MYO16: variants seen among roughly 807,000 people sequenced by gnomAD.
MYO16 encodes the protein unconventional myosin-XVI.
A neutral mutation model predicts 205.3 loss-of-function variants in MYO16; 94 were observed. The observed-to-expected ratio is 0.46, with a 90% confidence interval of 0.39 to 0.54. The LOEUF (loss-of-function observed/expected upper bound fraction) is 0.54. Among genes scored for constraint, MYO16 ranks in the 20% least tolerant of loss-of-function variants. The probability of loss-of-function intolerance (pLI) is 0.00; values close to 1 mark genes in which losing one functional copy is unlikely to be tolerated. For synonymous variants in MYO16, 988 were observed against 954.0 expected, an observed-to-expected ratio of 1.04 and a Z score of -0.66; for missense variants, 2,315 against 2,387.5, an observed-to-expected ratio of 0.97 and a Z score of 0.63.
chr13:109,134,033 A>G (rs769983170), intron 31 of MYO16, among the ~76,000 whole-genome samples: 2 of 152,238 alleles, frequency 1.3e-5, no homozygotes, highest in Non-Finnish European at 2.9e-5. Flanking sequence ...GAACAGTTCT[A>G]TCTCTCACAG....
At chr13:109,179,466 T>C (rs1394224103) in intron 33 of MYO16, 76 bp from the exon 34 acceptor site, 2 of 867,244 alleles carry the variant, frequency 2.3e-6, no homozygotes, top group Non-Finnish European at 3.9e-6. Context: ...TCTAGTTTAT[T>C]GTAATGAGTG....
chr13:109,003,611 G>T (rs918587904), intron 21 of MYO16, among the ~76,000 whole-genome samples: 1 of 152,146 alleles, frequency 6.6e-6, no homozygotes, highest in African/African-American at 2.4e-5. Context: ...GCTTCTTCCC[G>T]TCCTTGTGTT....
intron 6 of MYO16, among the ~76,000 whole-genome samples, chr13:108,794,707 C>T (rs1886730416): frequency 6.6e-6 from 1 of 152,020 alleles, no homozygotes; most frequent in South Asian, 2.1e-4. Context: ...ATAAAACTTA[C>T]CTGGGTTAGT....
At chr13:109,142,946 G>T (rs763319830) in intron 32 of MYO16, among the ~76,000 whole-genome samples, 5 of 151,812 alleles carry the variant, frequency 3.3e-5, no homozygotes, top group Admixed American at 6.6e-5. Flanking sequence ...TGTTTTTTCC[G>T]ATTCTTTGTT....
At position 108,774,567 on chromosome 13, in the gene MYO16, C is replaced by T. The variant is rs568977263; in HGVS notation, c.508-11068C>T. On this transcript the variant is annotated intron_variant, in intron 4 of 34. Transcript: ENST00000457511. Reference sequence around the variant, plus strand: ...TTATGATGTGATTGATTTTTTTTTTCGGAGCCAAACTTAGAGACGTGCCTT... The same window carrying T: ...TTATGATGTGATTGATTTTTTTTTTTGGAGCCAAACTTAGAGACGTGCCTT... Among the ~76,000 whole-genome samples, 183 of 150,472 alleles carry T rather than the reference C, an allele frequency of 1.2e-3. 1 individual carries two copies. Among genetic ancestry groups the T allele is most frequent in the African/African-American group, 4.2e-3 (174 of 41,088 alleles).
chr13:109,052,756 TG>T (rs1887286127), intron 25 of MYO16, among the ~76,000 whole-genome samples: 1 of 152,100 alleles, frequency 6.6e-6, no homozygotes, highest in Non-Finnish European at 1.5e-5. Context: ...ACTGCCTTTT[TG>T]ATGAATAGAA....
intron 27 of MYO16, among the ~76,000 whole-genome samples, chr13:109,098,769 G>C (rs1248415938): frequency 6.6e-6 from 1 of 152,120 alleles, no homozygotes; most frequent in African/African-American, 2.4e-5. Context: ...GCTGCTTCTT[G>C]GTCCAACCAC....
At chr13:108,640,133 A>G (rs1057425730) in intron 1 of MYO16, among the ~76,000 whole-genome samples, 2 of 152,204 alleles carry the variant, frequency 1.3e-5, no homozygotes, top group African/African-American at 4.8e-5. Context: ...AATAGGTGAC[A>G]AGGAAACAGA....
intron 2 of MYO16, among the ~76,000 whole-genome samples, chr13:108,695,880 A>G (rs1322603249): frequency 6.6e-6 from 1 of 152,214 alleles, no homozygotes; most frequent in Non-Finnish European, 1.5e-5. Context: ...TTAACAGTTG[A>G]AAACTAATGT....
At chr13:108,602,126 C>T (rs916807684) in intron 1 of MYO16, among the ~76,000 whole-genome samples, 2 of 148,374 alleles carry the variant, frequency 1.3e-5, no homozygotes, top group African/African-American at 5.0e-5. Flanking sequence ...AAAAAAACAG[C>T]CCAGGAAGAA....
chr13:109,196,824 G>C (rs1171892592), intron 34 of MYO16, among the ~76,000 whole-genome samples: 1 of 152,096 alleles, frequency 6.6e-6, no homozygotes, highest in Non-Finnish European at 1.5e-5. Flanking sequence ...AAACTTTGAA[G>C]CTTTCAGCTC....
intron 23 of MYO16, among the ~76,000 whole-genome samples, chr13:109,022,419 T>A (rs1439328999): frequency 7.7e-6 from 1 of 129,246 alleles, no homozygotes; most frequent in Non-Finnish European, 1.5e-5. Flanking sequence ...ATATTGTATA[T>A]ACAAATATAA....
the MYO16 span, among the ~76,000 whole-genome samples, chr13:108,578,405 A>C: frequency 1.3e-5 from 2 of 152,246 alleles, no homozygotes; most frequent in South Asian, 4.1e-4. Context: ...AATGGGAGCA[A>C]TTATGCAAAA....
Position 108,800,160 on chromosome 13 carries a change from AC to A in MYO16, c.742-6514del, listed in dbSNP as rs373086228. On this transcript the variant is annotated intron_variant, in intron 6 of 34. Transcript: ENST00000457511. ...CTAAGCTGTGCTTGCTCCATGAGGCACCCCCTAAAATAGAACCAGAAATGAC... is the reference window on the plus strand; with the variant it reads ...CTAAGCTGTGCTTGCTCCATGAGGCACCCCTAAAATAGAACCAGAAATGAC... Among the ~76,000 whole-genome samples, 94 of 152,222 alleles carry A rather than the reference AC, an allele frequency of 6.2e-4. No homozygotes were observed. The South Asian group carries it at 0.019, about 30-fold the overall frequency.
chr13:109,090,598 G>A (rs1888589496), intron 27 of MYO16, among the ~76,000 whole-genome samples: 2 of 152,176 alleles, frequency 1.3e-5, no homozygotes, highest in Admixed American at 1.3e-4. Flanking sequence ...GTGTGGGCGT[G>A]CGGAGGCTGC....
intron 22 of MYO16, among the ~76,000 whole-genome samples, chr13:109,009,874 C>G (rs1044181046): frequency 6.6e-6 from 1 of 152,168 alleles, no homozygotes; most frequent in Admixed American, 6.5e-5. Flanking sequence ...AGAAAGCCCT[C>G]GTAGTGACAT....
rs1252518531 is a variant in MYO16, at chr13:108,629,729, C to T, written c.-116C>T. On this transcript the variant is annotated 5_prime_UTR_variant, in exon 1 of 35. Transcript: ENST00000457511. ...ACAGAGCCTCCATGCAATAGTGCAT[C>T]CTGAGGTAAACTGTTACCTGAGTAA... 2 of 921,602 alleles carry T rather than the reference C, an allele frequency of 2.2e-6. No homozygotes were observed. The highest frequency in any genetic ancestry group is 5.4e-5 in the East Asian group (2 of 37,106). The allele number at this position is 921,602 out of a possible 1,614,324, so 57.1% of individuals were successfully genotyped here.
chr13:109,036,790 A>G (rs1337770438), intron 23 of MYO16, among the ~76,000 whole-genome samples: 1 of 152,212 alleles, frequency 6.6e-6, no homozygotes, highest in Non-Finnish European at 1.5e-5. Flanking sequence ...AGAAGGAAAA[A>G]TAAATACATA....
At chr13:108,629,311 A>G (rs1180942234), upstream of MYO16, 1 of 152,382 alleles carries the variant, frequency 6.6e-6, no homozygotes, top group Admixed American at 6.5e-5. Flanking sequence ...GGTGGCAACT[A>G]AAAATAATCC....
Sources: allele counts gnomAD v4.1 joint callset (sites outside exome capture counted in the v4.1 genomes callset), GRCh38; gene constraint gnomAD v4.1.1; transcripts MANE v1.5; gene names NCBI Gene and HGNC (gene_info 2026-07-23, HGNC 2026-07-21).